Variants in SATL1 observed in about 807,000 individuals in gnomAD.
The protein encoded by SATL1 is spermidine/spermine N1-acetyl transferase like 1.
SATL1 carries 47 observed loss-of-function variants against 51.8 expected under a neutral mutation model. That is an observed-to-expected ratio of 0.91 (90% CI 0.72 to 1.16). The LOEUF (loss-of-function observed/expected upper bound fraction) is 1.16, where lower values mean the gene tolerates loss of function less well. Ranked by LOEUF, SATL1 falls within the 50% of genes most tolerant of loss-of-function variation. SATL1 has a pLI of 0.00. For missense variants in SATL1, 520 were observed against 526.4 expected (o/e 0.99, Z 0.12); for synonymous variants, 176 against 182.4 (o/e 0.97, Z 0.28).
At chrX:85,230,151 A>G (rs1421586019) in intron 1 of SATL1, among the ~76,000 whole-genome samples, 1 of 111,977 alleles carries the variant, frequency 8.9e-6, no homozygotes, top group African/African-American at 3.2e-5. Flanking sequence ...TGGAGGCATC[A>G]CATTTCCTGA....
chrX:85,202,155 A>T (rs1382593099), intron 2 of SATL1, among the ~76,000 whole-genome samples: 1 of 111,717 alleles, frequency 9.0e-6, no homozygotes, highest in Non-Finnish European at 1.9e-5. Flanking sequence ...AGCTATTCTG[A>T]CTGGTGTGAG....
intron 2 of SATL1, chrX:85,142,771 A>T: frequency 9.0e-6 from 1 of 111,500 alleles, no homozygotes; most frequent in Non-Finnish European, 1.9e-5. Flanking sequence ...ATCTAAGGAG[A>T]AAAAGAGAGA....
chrX:85,166,476 G>A (rs1183793874), intron 2 of SATL1, among the ~76,000 whole-genome samples: 1 of 111,254 alleles, frequency 9.0e-6, no homozygotes, highest in Non-Finnish European at 1.9e-5. Context: ...GACGTGAATA[G>A]ACAGTTCTCA....
At chrX:85,206,896 T>C (rs1437586561) in intron 2 of SATL1, among the ~76,000 whole-genome samples, 1 of 111,492 alleles carries the variant, frequency 9.0e-6, no homozygotes, top group Non-Finnish European at 1.9e-5. Context: ...GTGTCTTTTA[T>C]ACAAGCAGAG....
At chrX:85,126,103 A>ACCACAAT (rs1569232035) in intron 2 of SATL1, among the ~76,000 whole-genome samples, 22 of 109,247 alleles carry the variant, frequency 2.0e-4, no homozygotes, top group African/African-American at 7.3e-4. Context: ...GATAAATGCA[A>ACCACAAT]ACCACAATAC....
At chrX:85,140,146 A>G (rs1038451354) in intron 2 of SATL1, among the ~76,000 whole-genome samples, 2 of 112,130 alleles carry the variant, frequency 1.8e-5, no homozygotes, top group Admixed American at 9.5e-5. Context: ...TCCATTAACA[A>G]TCTACACATT....
chrX:85,210,159 T>C (rs1402454580), intron 2 of SATL1: 1 of 108,534 alleles, frequency 9.2e-6, no homozygotes, highest in Non-Finnish European at 1.9e-5. Flanking sequence ...GGTTTTTTTT[T>C]TCTGTACCCT....
At chrX:85,242,257 C>T (rs1284052319) in intron 1 of SATL1, among the ~76,000 whole-genome samples, 1 of 112,033 alleles carries the variant, frequency 8.9e-6, no homozygotes, top group Admixed American at 9.4e-5. Context: ...TGGGACAAGA[C>T]CATAAGTAGT....
chrX:85,240,790 T>C (rs1446907866), intron 1 of SATL1, among the ~76,000 whole-genome samples: 1 of 110,102 alleles, frequency 9.1e-6, no homozygotes, highest in Admixed American at 9.7e-5. Context: ...GTACTTTTTT[T>C]TTTTTTTGTA....
intron 2 of SATL1, among the ~76,000 whole-genome samples, chrX:85,124,396 GA>G (rs1405909903): frequency 8.9e-6 from 1 of 111,750 alleles, no homozygotes; most frequent in Middle Eastern, 4.2e-3. Flanking sequence ...TAATCTTTCT[GA>G]ATTTCAGTTT....
chrX:85,188,200 G>A (rs1288980867), intron 2 of SATL1, among the ~76,000 whole-genome samples: 3 of 111,465 alleles, frequency 2.7e-5, no homozygotes, highest in Non-Finnish European at 5.6e-5. Context: ...AAAAATATAT[G>A]TTAGCTGGGT....
intron 2 of SATL1, among the ~76,000 whole-genome samples, chrX:85,223,280 CT>C (rs1390914088): frequency 1.8e-5 from 2 of 111,624 alleles, no homozygotes; most frequent in African/African-American, 6.5e-5. Flanking sequence ...GTTTTTGCTA[CT>C]GACACTTGTA....
chrX:85,198,650 C>A (rs747620089), intron 2 of SATL1, among the ~76,000 whole-genome samples: 145 of 110,488 alleles, frequency 1.3e-3, no homozygotes, highest in African/African-American at 4.5e-3. Context: ...ATTTATGGGG[C>A]ATCAAATGTT....
chrX:85,107,332 A>C lies in SATL1; in HGVS notation c.1637T>G (p.Ile546Ser). ...ATGTAATAAAAATAGGCTTACTTTA[A>C]TCAGTCGCAAAATTTCTGGGCAGTC... ...AGDCPEILRL[I>S]KELAACENML... The change falls in exon 3 of 8, where the codon ATT becomes AGT. Residue 546 changes from isoleucine to serine, a missense_variant. Transcript: ENST00000644105. 8.3e-7 allele frequency: 1 copy of C among 1,208,584 alleles called. No individual in the cohort carries two copies. The highest frequency in any genetic ancestry group is 1.1e-6 in the Non-Finnish European group (1 of 892,634).
At chrX:85,168,032 A>C (rs930946350) in intron 2 of SATL1, among the ~76,000 whole-genome samples, 1 of 111,234 alleles carries the variant, frequency 9.0e-6, no homozygotes, top group Admixed American at 9.6e-5. Context: ...CAAAAAAAAA[A>C]ACACATGATT....
At chrX:85,125,452 A>G (rs757786259) in intron 2 of SATL1, among the ~76,000 whole-genome samples, 2 of 110,355 alleles carry the variant, frequency 1.8e-5, no homozygotes, top group South Asian at 7.7e-4. Context: ...CAAAAAGAAC[A>G]CTGTATTGCT....
intron 1 of SATL1, among the ~76,000 whole-genome samples, chrX:85,239,896 T>C (rs759643052): frequency 9.1e-6 from 1 of 110,407 alleles, no homozygotes; most frequent in Non-Finnish European, 1.9e-5. Flanking sequence ...GTTAAACTTT[T>C]AGGGGAAAAA....
At chrX:85,111,756 A>T (rs1925265195) in intron 2 of SATL1, among the ~76,000 whole-genome samples, 1 of 112,154 alleles carries the variant, frequency 8.9e-6, no homozygotes, top group Non-Finnish European at 1.9e-5. Context: ...AAACTTCAAA[A>T]TGTACATGCA....
intron 2 of SATL1, among the ~76,000 whole-genome samples, chrX:85,173,052 C>A (rs1233345627): frequency 1.8e-5 from 2 of 111,073 alleles, no homozygotes; most frequent in Non-Finnish European, 3.8e-5. Context: ...AAACAAATAT[C>A]CACGCCATGA....
Sources: allele counts gnomAD v4.1 joint callset (sites outside exome capture counted in the v4.1 genomes callset), GRCh38; gene constraint gnomAD v4.1.1; transcripts MANE v1.5; gene names NCBI Gene and HGNC (gene_info 2026-07-23, HGNC 2026-07-21).